The following CDK14 variants were observed in gnomAD, a reference collection of about 807,000 sequenced individuals.
The protein encoded by CDK14 is cyclin dependent kinase 14.
Under a neutral mutation model 60.7 loss-of-function variants are expected in CDK14, and 34 were observed. The observed-to-expected ratio is 0.56, with a 90% CI of 0.43 to 0.75. The LOEUF (loss-of-function observed/expected upper bound fraction) is 0.75, where lower values mean the gene tolerates loss of function less well. CDK14 is among the 30% of genes least tolerant of loss of function. CDK14 has a pLI of 0.00. For synonymous variants in CDK14, 197 were observed against 203.7 expected, an observed-to-expected ratio of 0.97 and a Z score of 0.28; for missense variants, 482 against 564.1, an observed-to-expected ratio of 0.85 and a Z score of 1.47.
chr7:91,069,971 A>G (rs1260975501), intron 11 of CDK14, among the ~76,000 whole-genome samples: 1 of 151,844 alleles, frequency 6.6e-6, no homozygotes, highest in African/African-American at 2.4e-5. Context: ...TGATTTTTCA[A>G]TTTTTTTGTA....
At chr7:90,636,777 G>T (rs1195605990) in intron 2 of CDK14, among the ~76,000 whole-genome samples, 1 of 152,156 alleles carries the variant, frequency 6.6e-6, no homozygotes, top group African/African-American at 2.4e-5. Context: ...ACTCTTTTTG[G>T]TTGGTAAGCT....
intron 14 of CDK14, among the ~76,000 whole-genome samples, chr7:91,185,381 C>CT (rs1214746869): frequency 2.0e-5 from 3 of 148,018 alleles, no homozygotes; most frequent in Admixed American, 6.8e-5. Flanking sequence ...TAAAACTATA[C>CT]TTTTTTCCGG....
intron 2 of CDK14, among the ~76,000 whole-genome samples, chr7:90,672,285 C>T (rs1455902018): frequency 6.6e-6 from 1 of 152,022 alleles, no homozygotes; most frequent in Admixed American, 6.6e-5. Flanking sequence ...TTCATCATTT[C>T]AGAAATAATC....
At chr7:91,199,421 C>T (rs534581459) in intron 14 of CDK14, among the ~76,000 whole-genome samples, 92 of 152,034 alleles carry the variant, frequency 6.1e-4, no homozygotes, top group Non-Finnish European at 1.2e-3. Context: ...TTGGCTGAGA[C>T]AGGAAGAAAT....
chr7:91,062,229 G>A (rs141706617), intron 11 of CDK14, among the ~76,000 whole-genome samples: 3,626 of 152,274 alleles, frequency 0.024, 138 homozygotes, highest in African/African-American at 0.08. Context: ...CTGGTGTGAC[G>A]TTTGCTAAGA....
intron 14 of CDK14, among the ~76,000 whole-genome samples, chr7:91,124,554 A>G (rs1203140020): frequency 1.3e-5 from 2 of 151,990 alleles, no homozygotes; most frequent in Admixed American, 6.6e-5. Context: ...TGGCTGAAAG[A>G]GAGGAAACTG....
intron 2 of CDK14, among the ~76,000 whole-genome samples, chr7:90,635,215 A>G (rs1408327978): frequency 4.6e-5 from 7 of 152,320 alleles, no homozygotes; most frequent in East Asian, 3.9e-4. Flanking sequence ...GCCCATGCCT[A>G]TGTCCTGACT....
chr7:90,882,111 T>C (rs188975485), intron 6 of CDK14, among the ~76,000 whole-genome samples: 15 of 152,220 alleles, frequency 9.9e-5, no homozygotes, highest in South Asian at 4.1e-4. Context: ...GTAAGTGGGC[T>C]AAATGCCTCA....
intron 7 of CDK14, among the ~76,000 whole-genome samples, chr7:90,917,249 A>T (rs1311340055): frequency 6.6e-6 from 1 of 152,170 alleles, no homozygotes; most frequent in African/African-American, 2.4e-5. Flanking sequence ...TATTATGAAT[A>T]GATTTCCTCT....
intron 11 of CDK14, among the ~76,000 whole-genome samples, chr7:91,062,383 A>C (rs1230999862): frequency 6.6e-6 from 1 of 151,770 alleles, no homozygotes; most frequent in African/African-American, 2.4e-5. Context: ...TTCGGCTCAC[A>C]CTCAGTGCAC....
intron 12 of CDK14, chr7:91,107,782 C>A (rs1426794928): frequency 1.3e-5 from 2 of 152,204 alleles, no homozygotes. Context: ...AGAGAAACAA[C>A]TCTTGCAGTA....
intron 4 of CDK14, among the ~76,000 whole-genome samples, chr7:90,768,461 C>T (rs1437661585): frequency 6.6e-6 from 1 of 152,128 alleles, no homozygotes; most frequent in Non-Finnish European, 1.5e-5. Flanking sequence ...GCAGAGTTGG[C>T]AGGATGAATG....
At chr7:91,181,816 C>G (rs1562985475) in intron 14 of CDK14, among the ~76,000 whole-genome samples, 1 of 152,110 alleles carries the variant, frequency 6.6e-6, no homozygotes, top group Non-Finnish European at 1.5e-5. Flanking sequence ...TCCTTTCTTT[C>G]TGGCATGACA....
intron 12 of CDK14, among the ~76,000 whole-genome samples, chr7:91,098,517 GAAAGAAAGAGA>G (rs1799064391): frequency 7.4e-6 from 1 of 134,876 alleles, no homozygotes; most frequent in African/African-American, 2.7e-5. Context: ...GAAAGAAAAA[GAAAGAAAGAGA>G]AAAAAAAAAA....
chr7:90,854,953 G>A (rs1790775383), intron 5 of CDK14, among the ~76,000 whole-genome samples: 1 of 152,114 alleles, frequency 6.6e-6, no homozygotes, highest in Non-Finnish European at 1.5e-5. Context: ...CAAGATGTTT[G>A]CATTTAAGAA....
At chr7:90,730,880 G>A (rs569585431) in intron 3 of CDK14, among the ~76,000 whole-genome samples, 3 of 152,008 alleles carry the variant, frequency 2.0e-5, no homozygotes, top group Admixed American at 6.5e-5. Flanking sequence ...TGTCAATTTT[G>A]GCTTTTGTTG....
chr7:90,944,414 G>A (rs73407487), intron 8 of CDK14, among the ~76,000 whole-genome samples: 3,222 of 152,280 alleles, frequency 0.021, 112 homozygotes, highest in African/African-American at 0.073. Flanking sequence ...CGTCATGCCA[G>A]GAACTGGAGA....
chr7:91,080,384 A>G (rs561457601), intron 12 of CDK14, among the ~76,000 whole-genome samples: 6 of 152,352 alleles, frequency 3.9e-5, no homozygotes, highest in African/African-American at 1.4e-4. Flanking sequence ...TGAAATGAAT[A>G]CATTAAATTC....
intron 6 of CDK14, among the ~76,000 whole-genome samples, chr7:90,879,431 A>T (rs1791667444): frequency 6.6e-6 from 1 of 152,028 alleles, no homozygotes; most frequent in African/African-American, 2.4e-5. Context: ...TGTCATTTAA[A>T]ATTCTGGATA....
Sources: gnomAD v4.1 joint callset for allele counts (sites outside exome capture counted in the v4.1 genomes callset) on GRCh38, gnomAD v4.1.1 for gene constraint, MANE v1.5 for transcripts, NCBI Gene and HGNC (gene_info 2026-07-23, HGNC 2026-07-21) for gene names.